OIT3: variants seen among roughly 807,000 people sequenced by gnomAD.
The protein encoded by OIT3 is oncoprotein-induced transcript 3 protein.
Under a neutral mutation model 52.2 loss-of-function variants are expected in OIT3, and 41 were observed. The observed-to-expected ratio is 0.79, with a 90% CI of 0.61 to 1.02. The LOEUF is 1.02. Ranked by LOEUF, OIT3 falls within the 50% of genes least tolerant of loss-of-function variation. The pLI is 0.00. For synonymous variants in OIT3, 244 were observed against 276.9 expected, an observed-to-expected ratio of 0.88 and a Z score of 1.18; for missense variants, 634 against 715.5, an observed-to-expected ratio of 0.89 and a Z score of 1.30.
rs773093189 is a variant in OIT3, at chr10:72,906,669, T to C, written c.618T>C (p.Cys206=). The C allele has an allele frequency of 1.9e-6, 3 of 1,611,670 alleles. No individual in the cohort carries two copies. The South Asian group carries it at 3.3e-5, about 18-fold the overall frequency. Residue 206 remains cysteine, a synonymous_variant, in exon 4 of 9, where the codon TGT becomes TGC. Transcript: ENST00000334011. ...TGAACCTCAAAAACTCCTACCGCTG[T>C]GAGTGTGGGGTTGGCCGTGTGCTAA... ...ICVNLKNSYR[C]ECGVGRVLRS...
At chr10:72,893,888 A>G (rs1389497515) in intron 1 of OIT3, 29 bp downstream of exon 1, 1 of 1,579,398 alleles carries the variant, frequency 6.3e-7, no homozygotes, top group South Asian at 1.1e-5. Flanking sequence ...ACTTGGCACA[A>G]TGCACTTTTT....
intron 6 of OIT3, among the ~76,000 whole-genome samples, chr10:72,914,896 T>A (rs1846060818): frequency 6.6e-6 from 1 of 151,242 alleles, no homozygotes; most frequent in Admixed American, 6.6e-5. Context: ...TGAGATGGAG[T>A]TTTGCTTTTG....
At position 72,915,286 on chromosome 10, in the gene OIT3, A is replaced by G. The variant is rs113052673; in HGVS notation, c.951+1818A>G. ...ATAATGGGCTAATTAGGAGGTAGAA[A>G]GAAGTTCTAAATGAGAGCCATCTGA... On this transcript the variant is annotated intron_variant, in intron 6 of 8. Coordinates refer to ENST00000334011, the MANE Select transcript of OIT3 (RefSeq NM_152635.3). Among the ~76,000 whole-genome samples the G allele has an allele frequency of 7.9e-3, 1,206 of 152,356 alleles. 10 individuals are homozygous for G. Among genetic ancestry groups the G allele is most frequent in the African/African-American group, 0.028 (1,147 of 41,574 alleles).
At chr10:72,926,325 G>T (rs1846169690) in intron 7 of OIT3, among the ~76,000 whole-genome samples, 2 of 152,166 alleles carry the variant, frequency 1.3e-5, no homozygotes, top group South Asian at 4.1e-4. Flanking sequence ...GATATACATA[G>T]GATCAACTGA....
intron 1 of OIT3, among the ~76,000 whole-genome samples, chr10:72,895,747 G>A (rs1845870464): frequency 6.6e-6 from 1 of 152,166 alleles, no homozygotes; most frequent in Non-Finnish European, 1.5e-5. Flanking sequence ...GCGTGGTCCT[G>A]GTGGAAGACA....
intron 6 of OIT3, among the ~76,000 whole-genome samples, chr10:72,923,874 G>A (rs935550766): frequency 1.3e-5 from 2 of 151,938 alleles, no homozygotes; most frequent in Admixed American, 6.6e-5. Context: ...TCCCCCTCCC[G>A]CTTGGCACTC....
At chr10:72,905,437 C>T (rs1297109268) in intron 3 of OIT3, among the ~76,000 whole-genome samples, 3 of 152,024 alleles carry the variant, frequency 2.0e-5, no homozygotes, top group Admixed American at 6.6e-5. Flanking sequence ...CACCACTGCA[C>T]TCCAGTCTGG....
chr10:72,903,107 G>A (rs191021425), intron 3 of OIT3, among the ~76,000 whole-genome samples: 32 of 152,208 alleles, frequency 2.1e-4, no homozygotes, highest in Middle Eastern at 3.4e-3. Flanking sequence ...TTATTTAAAT[G>A]TAATAATTTT....
At chr10:72,913,009 C>T (rs1476206858) in intron 5 of OIT3, among the ~76,000 whole-genome samples, 1 of 152,162 alleles carries the variant, frequency 6.6e-6, no homozygotes, top group East Asian at 1.9e-4. Context: ...AAGTTAATAT[C>T]TTAGGTGTTT....
chr10:72,902,407 G>A (rs1426545729), intron 3 of OIT3, among the ~76,000 whole-genome samples: 1 of 152,098 alleles, frequency 6.6e-6, no homozygotes, highest in Non-Finnish European at 1.5e-5. Context: ...CCAGCTCTCA[G>A]TCACCCTCTT....
chr10:72,913,471 A>T lies in OIT3; in HGVS notation c.951+3A>T. ...AGACATGTGGTACAGTGGTCGATGT[A>T]GGTTCCTCCTGGAGGGCACTTGGGG... is the stretch of plus-strand genomic sequence containing the variant. On this transcript the variant is annotated splice_donor_region_variant and intron_variant, in intron 6 of 8. Transcript: ENST00000334011. 1 of 1,600,756 alleles carries T rather than the reference A, an allele frequency of 6.2e-7. No homozygotes were observed.
intron 5 of OIT3, 41 bp from the exon 6 acceptor site, chr10:72,913,267 T>C: frequency 6.7e-7 from 1 of 1,502,670 alleles, no homozygotes; most frequent in Non-Finnish European, 9.0e-7. Flanking sequence ...TCCTCCCGAT[T>C]CAGGTTTCCT....
chr10:72,899,022 C>T lies in OIT3; in HGVS notation c.420C>T (p.Phe140=), dbSNP rs200796165. 1.9e-6 allele frequency: 3 copies of T among 1,610,140 alleles called. No homozygotes were observed. Among genetic ancestry groups the T allele is most frequent in the Admixed American group, 3.3e-5 (2 of 59,932 alleles). ...VYRLTKPSVC[F]HVYCGHFYDI... ...GTCTGACCAAGCCCAGCGTCTGCTT[C>T]CACGTCTACTGTGGTCGTGAGTACC... Residue 140 remains phenylalanine (F), a synonymous_variant, in exon 2 of 9, where the codon TTC becomes TTT. Transcript: ENST00000334011.
chr10:72,904,162 G>A (rs1031211870), intron 3 of OIT3, among the ~76,000 whole-genome samples: 2 of 152,072 alleles, frequency 1.3e-5, no homozygotes, highest in African/African-American at 2.4e-5. Context: ...CCCCAGTCAC[G>A]TACGCCCCTG....
intron 2 of OIT3, among the ~76,000 whole-genome samples, chr10:72,899,595 CAAAAAA>C (rs57434990): frequency 2.5e-4 from 22 of 88,978 alleles, no homozygotes; most frequent in Non-Finnish European, 5.8e-4. Flanking sequence ...GACTCTGATT[CAAAAAA>C]AAAAAAAAAA....
chr10:72,921,267 G>A (rs1334409818), intron 6 of OIT3, among the ~76,000 whole-genome samples: 2 of 152,150 alleles, frequency 1.3e-5, no homozygotes, highest in East Asian at 1.9e-4. Flanking sequence ...TTTTCCATGT[G>A]CTTGATAAGT....
intron 6 of OIT3, among the ~76,000 whole-genome samples, chr10:72,920,812 T>C (rs963339402): frequency 1.3e-5 from 2 of 152,250 alleles, no homozygotes; most frequent in African/African-American, 4.8e-5. Context: ...ATTTCAGTTC[T>C]TTTGCATTTG....
chr10:72,912,742 G>T (rs1188891474), intron 5 of OIT3, among the ~76,000 whole-genome samples: 1 of 152,138 alleles, frequency 6.6e-6, no homozygotes, highest in Non-Finnish European at 1.5e-5. Flanking sequence ...GTCTAGAGAA[G>T]AACCTGGGAA....
intron 8 of OIT3, 137 bp from the exon 9 acceptor site, chr10:72,932,217 T>C (rs1025368179): frequency 1.3e-6 from 1 of 778,788 alleles, no homozygotes; most frequent in Non-Finnish European, 2.2e-6. Context: ...AAAATGGGGA[T>C]GATAAACTCT....
Sources: gnomAD v4.1 joint callset for allele counts (sites outside exome capture counted in the v4.1 genomes callset) on GRCh38, gnomAD v4.1.1 for gene constraint, MANE v1.5 for transcripts, NCBI Gene and HGNC (gene_info 2026-07-23, HGNC 2026-07-21) for gene names.